CDK14: variants seen among roughly 807,000 people sequenced by gnomAD.
CDK14 encodes the protein cyclin dependent kinase 14, also known as cyclin-dependent kinase 14.
CDK14 carries 34 observed loss-of-function variants against 60.7 expected under a neutral mutation model. The observed-to-expected ratio is 0.56, with a 90% CI of 0.43 to 0.75. CDK14 has a LOEUF of 0.75. Ranked by LOEUF, CDK14 falls within the 30% of genes least tolerant of loss-of-function variation. The pLI is 0.00. For synonymous variants in CDK14, 197 were observed against 203.7 expected (o/e 0.97, Z 0.28); for missense variants, 482 against 564.1 (o/e 0.85, Z 1.47).
At chr7:90,954,294 C>T (rs1412633385) in intron 8 of CDK14, among the ~76,000 whole-genome samples, 1 of 151,996 alleles carries the variant, frequency 6.6e-6, no homozygotes, top group Non-Finnish European at 1.5e-5. Context: ...CATTTCCTTA[C>T]TACATAAAAA....
chr7:90,640,898 A>G (rs1009586290), intron 2 of CDK14, among the ~76,000 whole-genome samples: 3 of 152,278 alleles, frequency 2.0e-5, no homozygotes, highest in South Asian at 2.1e-4. Flanking sequence ...TTACAACTCA[A>G]TAATAAAAGA....
At chr7:91,196,815 A>T in intron 14 of CDK14, among the ~76,000 whole-genome samples, 1 of 152,250 alleles carries the variant, frequency 6.6e-6, no homozygotes, top group East Asian at 1.9e-4. Flanking sequence ...ATCCCTGGAC[A>T]GTCTGGAGAG....
In CDK14 at chr7:90,901,776, A is replaced by G. The variant is rs1347117311; in HGVS notation, c.702+2423A>G. Among the ~76,000 whole-genome samples the G allele has an allele frequency of 2.0e-5, 3 of 151,978 alleles. No individual in the cohort carries two copies. The East Asian group carries it at 5.8e-4, about 29-fold the overall frequency. On this transcript the variant is annotated intron_variant, in intron 7 of 14. Transcript: ENST00000380050. ...GAATTTTAGCCAGAGTAATCAGCCA[A>G]GAGAAAAAAATGGAAAAAATCCAAA...
At chr7:90,791,948 G>A (rs150513001) in intron 5 of CDK14, among the ~76,000 whole-genome samples, 3,265 of 149,102 alleles carry the variant, frequency 0.022, 52 homozygotes, top group African/African-American at 0.03. Flanking sequence ...TGTCACCCAG[G>A]CTGGAGTGCA....
At chr7:90,977,862 G>C (rs940571115) in intron 9 of CDK14, among the ~76,000 whole-genome samples, 2 of 152,132 alleles carry the variant, frequency 1.3e-5, no homozygotes, top group African/African-American at 4.8e-5. Flanking sequence ...CTGGGAATAA[G>C]GTGATGTCCA....
At chr7:91,016,318 A>G (rs1340934449) in intron 10 of CDK14, among the ~76,000 whole-genome samples, 1 of 151,746 alleles carries the variant, frequency 6.6e-6, no homozygotes, top group African/African-American at 2.4e-5. Context: ...TCATTTTACC[A>G]TGATTTTTTG....
At chr7:90,688,167 T>A (rs1445959093) in intron 2 of CDK14, among the ~76,000 whole-genome samples, 1 of 152,160 alleles carries the variant, frequency 6.6e-6, no homozygotes, top group Non-Finnish European at 1.5e-5. Context: ...ATCATAGCAG[T>A]CAGAACACAC....
intron 5 of CDK14, among the ~76,000 whole-genome samples, chr7:90,837,718 G>T (rs569585214): frequency 6.6e-6 from 1 of 152,042 alleles, no homozygotes; most frequent in Non-Finnish European, 1.5e-5. Context: ...TTTTACTACT[G>T]GATTCTGCCT....
At chr7:91,100,510 A>G (rs889594460) in intron 12 of CDK14, among the ~76,000 whole-genome samples, 8 of 152,160 alleles carry the variant, frequency 5.3e-5, no homozygotes, top group African/African-American at 1.7e-4. Context: ...TAACAAATTC[A>G]TATATATTAG....
intron 2 of CDK14, among the ~76,000 whole-genome samples, chr7:90,712,575 A>G (rs116246409): frequency 0.011 from 1,638 of 152,194 alleles, 40 homozygotes; most frequent in African/African-American, 0.038. Context: ...ATCGTAATAA[A>G]TACTTTAGAT....
At chr7:91,075,823 A>G (rs1403331126) in intron 11 of CDK14, among the ~76,000 whole-genome samples, 1 of 152,194 alleles carries the variant, frequency 6.6e-6, no homozygotes, top group East Asian at 1.9e-4. Flanking sequence ...ACGTACCAAC[A>G]ATAGACAAAC....
At chr7:90,672,939 T>C (rs1018841353) in intron 2 of CDK14, among the ~76,000 whole-genome samples, 2 of 152,162 alleles carry the variant, frequency 1.3e-5, no homozygotes, top group African/African-American at 2.4e-5. Flanking sequence ...GAGGAATAGG[T>C]CAGTGGGGAA....
At chr7:90,928,789 G>A (rs1410251345) in intron 8 of CDK14, among the ~76,000 whole-genome samples, 1 of 152,232 alleles carries the variant, frequency 6.6e-6, no homozygotes, top group Non-Finnish European at 1.5e-5. Flanking sequence ...AGTTTCTGCT[G>A]GCTTTTGTTC....
intron 4 of CDK14, among the ~76,000 whole-genome samples, chr7:90,782,048 A>C (rs1179355009): frequency 6.6e-6 from 1 of 152,218 alleles, no homozygotes; most frequent in East Asian, 1.9e-4. Context: ...CTTACCCATG[A>C]GCATGGAATA....
At chr7:91,118,295 A>T (rs1799673372) in intron 14 of CDK14, 87 bp downstream of exon 14, 2 of 636,000 alleles carry the variant, frequency 3.1e-6, no homozygotes, top group Non-Finnish European at 2.8e-6. Context: ...TCGTTTTTTC[A>T]CCAACTATCC....
chr7:90,894,490 C>G (rs533833821), intron 6 of CDK14, among the ~76,000 whole-genome samples: 1 of 152,194 alleles, frequency 6.6e-6, no homozygotes, highest in African/African-American at 2.4e-5. Context: ...TTAAGTTTTC[C>G]CAGATCTCAT....
At chr7:91,162,930 T>C (rs925487454) in intron 14 of CDK14, among the ~76,000 whole-genome samples, 1 of 152,138 alleles carries the variant, frequency 6.6e-6, no homozygotes, top group Non-Finnish European at 1.5e-5. Flanking sequence ...CCAACTCCTT[T>C]CTCTGGGAAA....
intron 14 of CDK14, among the ~76,000 whole-genome samples, chr7:91,121,407 G>A (rs1038390684): frequency 3.9e-5 from 6 of 152,148 alleles, no homozygotes; most frequent in Admixed American, 3.9e-4. Flanking sequence ...TGTGGAAAAT[G>A]CATTATATTA....
chr7:91,080,972 G>C lies in CDK14; in HGVS notation c.1154+1492G>C, dbSNP rs371039204. The stretch of plus-strand genomic sequence containing the variant: ...TTTTAAGGAAAATGATAAAAGCTGA[G>C]CTTGAGGTAAGATTTTAAAATTATG... On this transcript the variant is annotated intron_variant, in intron 12 of 14. Coordinates refer to ENST00000380050, the MANE Select transcript of CDK14 (RefSeq NM_001287135.2). Among the ~76,000 whole-genome samples, 36 of 152,294 alleles carry C rather than the reference G, an allele frequency of 2.4e-4. No homozygotes were observed. In the East Asian group the frequency reaches 2.5e-3, roughly 11 times the overall value.
Sources: gnomAD v4.1 joint callset for allele counts (sites outside exome capture counted in the v4.1 genomes callset) on GRCh38, gnomAD v4.1.1 for gene constraint, MANE v1.5 for transcripts, NCBI Gene and HGNC (gene_info 2026-07-23, HGNC 2026-07-21) for gene names.